Variants in TRIP12 observed in about 807,000 individuals in gnomAD.
TRIP12 encodes the protein E3 ubiquitin-protein ligase TRIP12.
A neutral mutation model predicts 244.2 loss-of-function variants in TRIP12; 25 were observed. The observed-to-expected ratio is 0.10, with a 90% CI of 0.07 to 0.14. TRIP12 has a LOEUF of 0.14. Ranked by LOEUF, TRIP12 falls within the 10% of genes least tolerant of loss-of-function variation. TRIP12 has a pLI of 1.00. For synonymous variants in TRIP12, 905 were observed against 873.1 expected (o/e 1.04, Z -0.64); for missense variants, 1,677 against 2,486.4 (o/e 0.67, Z 6.92).
At chr2:229,890,080 CTT>C (rs11303479) in intron 1 of TRIP12, among the ~76,000 whole-genome samples, 35,272 of 130,150 alleles carry the variant, frequency 0.27, 4,626 homozygotes, top group East Asian at 0.4. Context: ...GAGGTTAACT[CTT>C]TTTTTTTTTT....
intron 33 of TRIP12, 127 bp downstream of exon 33, chr2:229,787,378 A>G: frequency 2.1e-6 from 2 of 944,658 alleles, no homozygotes; most frequent in Non-Finnish European, 3.0e-6. Flanking sequence ...CTGAAAGGAA[A>G]ATAGGGCTAG....
chr2:229,775,537 T>C (rs1574791466), intron 37 of TRIP12, among the ~76,000 whole-genome samples: 1 of 151,916 alleles, frequency 6.6e-6, no homozygotes, highest in South Asian at 2.1e-4. Flanking sequence ...AGGAAATATC[T>C]TATTTCTAAA....
chr2:229,857,598 C>T (rs1252109468), intron 4 of TRIP12, among the ~76,000 whole-genome samples: 2 of 151,546 alleles, frequency 1.3e-5, no homozygotes, highest in East Asian at 3.9e-4. Context: ...ACCACTCACA[C>T]CACTACTCCA....
chr2:229,922,524 G>A (rs749345823), upstream of TRIP12: 8 of 1,613,922 alleles, frequency 5.0e-6, no homozygotes, highest in South Asian at 1.1e-5. Flanking sequence ...ATGGCGTCGT[G>A]GCTGCCGGAG....
At chr2:229,846,774 C>G (rs2057663672) in intron 4 of TRIP12, among the ~76,000 whole-genome samples, 1 of 152,170 alleles carries the variant, frequency 6.6e-6, no homozygotes, top group African/African-American at 2.4e-5. Context: ...AGATAATGAG[C>G]TAAATCCCAA....
chr2:229,783,558 A>G (rs757015694), intron 34 of TRIP12, among the ~76,000 whole-genome samples: 1 of 152,198 alleles, frequency 6.6e-6, no homozygotes, highest in African/African-American at 2.4e-5. Context: ...AAAACCACAA[A>G]ACATTTGGAG....
intron 1 of TRIP12, among the ~76,000 whole-genome samples, chr2:229,912,500 C>A (rs976563194): frequency 1.3e-5 from 2 of 152,102 alleles, no homozygotes; most frequent in Non-Finnish European, 2.9e-5. Context: ...TCCAGAGAGC[C>A]CATTTACCTT....
chr2:229,780,045 G>C (rs2037592456), intron 34 of TRIP12, among the ~76,000 whole-genome samples: 1 of 152,156 alleles, frequency 6.6e-6, no homozygotes, highest in African/African-American at 2.4e-5. Context: ...CATTATTACA[G>C]TTACTCTTAA....
At position 229,854,083 on chromosome 2, in the gene TRIP12, A is replaced by G. The variant is rs886121483; in HGVS notation, c.1027+4689T>C. Among the ~76,000 whole-genome samples the G allele has an allele frequency of 2.0e-5, 3 of 152,136 alleles. No individual in the cohort carries two copies. The South Asian group carries it at 6.2e-4, about 31-fold the overall frequency. ...GTGTAAATTTAAGGGGTGCAAGTGC[A>G]GTTTTGTTATATGGATATATTGCTT... On this transcript the variant is annotated intron_variant, in intron 4 of 41. Coordinates refer to ENST00000675903, the MANE Select transcript of TRIP12 (RefSeq NM_001348323.3).
At chr2:229,812,877 G>T (rs1191450075) in intron 13 of TRIP12, among the ~76,000 whole-genome samples, 1 of 152,070 alleles carries the variant, frequency 6.6e-6, no homozygotes, top group Non-Finnish European at 1.5e-5. Context: ...TTTTCCCTGG[G>T]TTAGCCACAC....
intron 1 of TRIP12, among the ~76,000 whole-genome samples, chr2:229,909,798 G>C (rs934510522): frequency 1.3e-5 from 2 of 152,104 alleles, no homozygotes; most frequent in Non-Finnish European, 2.9e-5. Context: ...AGGCTATGGT[G>C]AGACATGATT....
intron 39 of TRIP12, among the ~76,000 whole-genome samples, chr2:229,770,980 C>A (rs971277361): frequency 5.3e-5 from 8 of 152,168 alleles, no homozygotes; most frequent in African/African-American, 1.9e-4. Flanking sequence ...TCTTTATCAG[C>A]AGCATGAAAA....
At chr2:229,885,769 T>C (rs971634505) in intron 1 of TRIP12, among the ~76,000 whole-genome samples, 2 of 152,066 alleles carry the variant, frequency 1.3e-5, no homozygotes, top group African/African-American at 2.4e-5. Flanking sequence ...CGAGAAACAA[T>C]GACAAGACAA....
chr2:229,913,967 T>C (rs1054536377), intron 1 of TRIP12, among the ~76,000 whole-genome samples: 3 of 152,250 alleles, frequency 2.0e-5, no homozygotes, highest in East Asian at 1.9e-4. Flanking sequence ...TGTAAGTATA[T>C]ATATTTCTAA....
At chr2:229,798,351 A>G (rs2043335292) in intron 23 of TRIP12, among the ~76,000 whole-genome samples, 1 of 152,118 alleles carries the variant, frequency 6.6e-6, no homozygotes, top group South Asian at 2.1e-4. Context: ...CAAAGAGAGC[A>G]TGTTTATTTT....
chr2:229,829,120 T>C (rs1156631670), intron 8 of TRIP12, 73 bp downstream of exon 8: 1 of 1,395,952 alleles, frequency 7.2e-7, no homozygotes, highest in Admixed American at 1.8e-5. Flanking sequence ...AATACTTACA[T>C]CAATAGGTTA....
chr2:229,795,267 C>T lies in TRIP12; in HGVS notation c.3880G>A (p.Val1294Ile), dbSNP rs749193647. 30 of 1,613,936 alleles carry T rather than the reference C, an allele frequency of 1.9e-5. No homozygotes were observed. The highest frequency in any genetic ancestry group is 4.5e-5 in the East Asian group (2 of 44,882). ...PVGNAPLLAL[V>I]HKMNNCLSQM... is the part of the protein sequence containing the mutation. ...CTGAGGCAGTTGTTCATCTTGTGAA[C>T]TAATGCCAACAAAGGTGCATTACCC... Residue 1294 changes from valine (V) to isoleucine (I), a missense_variant, in exon 26 of 42, where the codon GTT (valine) becomes ATT (isoleucine). This residue lies in a region of TRIP12 where 77 missense variants were observed against 69.2 expected (regional missense o/e 1.11). Coordinates refer to ENST00000675903, the MANE Select transcript of TRIP12 (RefSeq NM_001348323.3).
intron 1 of TRIP12, among the ~76,000 whole-genome samples, chr2:229,912,048 A>G (rs1454148496): frequency 5.9e-5 from 9 of 152,250 alleles, no homozygotes; most frequent in Non-Finnish European, 1.5e-5. Context: ...GAATTACAAA[A>G]AATCTGAACA....
At chr2:229,919,735 T>A (rs531436087) in intron 1 of TRIP12, among the ~76,000 whole-genome samples, 2 of 152,340 alleles carry the variant, frequency 1.3e-5, no homozygotes, top group Admixed American at 1.3e-4. Context: ...GAAACAATGA[T>A]AATCTTAATT....
Sources: allele counts gnomAD v4.1 joint callset (sites outside exome capture counted in the v4.1 genomes callset), GRCh38; gene constraint gnomAD v4.1.1; regional missense constraint gnomAD v4.1.1; transcripts MANE v1.5; gene names NCBI Gene and HGNC (gene_info 2026-07-23, HGNC 2026-07-21).